XPR1: variants seen among roughly 807,000 people sequenced by gnomAD.
The protein encoded by XPR1 is xenotropic and polytropic retrovirus receptor 1.
In XPR1, 28 loss-of-function variants were observed where a neutral mutation model predicts 87.5. That is an observed-to-expected ratio of 0.32 (90% CI 0.24 to 0.44). The LOEUF (loss-of-function observed/expected upper bound fraction) is 0.44. XPR1 is among the 20% of genes least tolerant of loss of function. The pLI is 1.00. For missense variants in XPR1, 559 were observed against 862.3 expected, an observed-to-expected ratio of 0.65 and a Z score of 4.41; for synonymous variants, 300 against 306.1, an observed-to-expected ratio of 0.98 and a Z score of 0.21.
chr1:180,707,081 C>T (rs1297817247), intron 2 of XPR1, among the ~76,000 whole-genome samples: 1 of 152,112 alleles, frequency 6.6e-6, no homozygotes, highest in African/African-American at 2.4e-5. Flanking sequence ...GTTAAGATTT[C>T]TAATTTTGGA....
intron 3 of XPR1, among the ~76,000 whole-genome samples, chr1:180,793,364 A>G (rs528220706): frequency 6.6e-6 from 1 of 152,204 alleles, no homozygotes; most frequent in South Asian, 2.1e-4. Context: ...TTATACCACT[A>G]AATGTGTGCA....
chr1:180,655,865 A>G (rs1449367939), intron 1 of XPR1, among the ~76,000 whole-genome samples: 1 of 152,088 alleles, frequency 6.6e-6, no homozygotes, highest in Non-Finnish European at 1.5e-5. Flanking sequence ...TTTATGGAGT[A>G]TATAGCATAT....
At position 180,664,861 on chromosome 1, in the gene XPR1, G is replaced by A. The variant is rs111751329; in HGVS notation, c.70-17499G>A. 4.5e-3 allele frequency among the ~76,000 whole-genome samples: 690 copies of A among 152,228 alleles called. 7 individuals carry two copies. The highest frequency in any genetic ancestry group is 0.015 in the African/African-American group (634 of 41,536). On this transcript the variant is annotated intron_variant, in intron 1 of 14. Transcript: ENST00000367590. ...AAACTGTTCTACCTCAGATCATCAGGCATTAGAGTCTCACAAGGAGCATAC... is the reference window on the plus strand; with the variant it reads ...AAACTGTTCTACCTCAGATCATCAGACATTAGAGTCTCACAAGGAGCATAC...
intron 2 of XPR1, among the ~76,000 whole-genome samples, chr1:180,715,349 A>G (rs1657950788): frequency 6.6e-6 from 1 of 152,172 alleles, no homozygotes; most frequent in African/African-American, 2.4e-5. Flanking sequence ...CAAATTTGTA[A>G]GTGGACAGAC....
intron 2 of XPR1, among the ~76,000 whole-genome samples, chr1:180,778,394 T>G (rs1558003873): frequency 1.3e-5 from 2 of 152,298 alleles, no homozygotes; most frequent in Middle Eastern, 3.4e-3. Flanking sequence ...GGAAACACAA[T>G]GTATTAGTTC....
chr1:180,881,783 G>A (rs904713980), intron 14 of XPR1, among the ~76,000 whole-genome samples: 6 of 152,206 alleles, frequency 3.9e-5, no homozygotes, highest in African/African-American at 1.4e-4. Flanking sequence ...TCTGAAGAAG[G>A]CAGAGAAAAG....
intron 2 of XPR1, among the ~76,000 whole-genome samples, chr1:180,691,825 C>T (rs1657004349): frequency 6.6e-6 from 1 of 151,990 alleles, no homozygotes; most frequent in Non-Finnish European, 1.5e-5. Flanking sequence ...TCCATGTCAC[C>T]CCTGTCCCTA....
At chr1:180,829,999 C>T (rs1188437412) in intron 9 of XPR1, among the ~76,000 whole-genome samples, 1 of 152,048 alleles carries the variant, frequency 6.6e-6, no homozygotes, top group Non-Finnish European at 1.5e-5. Context: ...TGTCTCATGT[C>T]AGTTATAAAG....
At chr1:180,648,048 G>T (rs1655179429) in intron 1 of XPR1, among the ~76,000 whole-genome samples, 1 of 152,064 alleles carries the variant, frequency 6.6e-6, no homozygotes, top group South Asian at 2.1e-4. Flanking sequence ...GATAGACCAA[G>T]GACCTGAATA....
chr1:180,731,193 T>G (rs1230797323), intron 2 of XPR1, among the ~76,000 whole-genome samples: 1 of 152,300 alleles, frequency 6.6e-6, no homozygotes, highest in East Asian at 1.9e-4. Flanking sequence ...CAGTTTAAAA[T>G]TTTCTGTAGG....
At chr1:180,664,144 G>A (rs1208435515) in intron 1 of XPR1, among the ~76,000 whole-genome samples, 1 of 152,110 alleles carries the variant, frequency 6.6e-6, no homozygotes, top group African/African-American at 2.4e-5. Flanking sequence ...TCGATGAGCT[G>A]GTACCTAAGC....
intron 12 of XPR1, among the ~76,000 whole-genome samples, chr1:180,872,843 C>T (rs560194775): frequency 2.0e-5 from 3 of 152,146 alleles, no homozygotes; most frequent in South Asian, 2.1e-4. Context: ...GCTCCTCCCC[C>T]GGATTATTCT....
chr1:180,638,788 A>ATATAAATTTGTATTACTTTTG (rs1230433771), intron 1 of XPR1, among the ~76,000 whole-genome samples: 20 of 152,210 alleles, frequency 1.3e-4, no homozygotes, highest in African/African-American at 4.6e-4. Flanking sequence ...TGGAACATGG[A>ATATAAATTTGTATTACTTTTG]TATAAATTTG....
intron 11 of XPR1, among the ~76,000 whole-genome samples, chr1:180,842,490 T>C (rs1651550919): frequency 1.3e-5 from 2 of 152,222 alleles, no homozygotes; most frequent in East Asian, 3.8e-4. Flanking sequence ...TATTTCAGTA[T>C]ATTTTTTCTA....
rs188508426 is a variant in XPR1, at chr1:180,745,337, A to C, written c.122-42416A>C. Reference sequence around the variant, plus strand: ...TGGAACAGGAGGGAGGGAGGGGAAGAGAGAGAGACAGAGAGAGACAGCAAG... The same window carrying C: ...TGGAACAGGAGGGAGGGAGGGGAAGCGAGAGAGACAGAGAGAGACAGCAAG... On this transcript the variant is annotated intron_variant, in intron 2 of 14. Coordinates refer to ENST00000367590, the MANE Select transcript of XPR1 (RefSeq NM_004736.4). Among the ~76,000 whole-genome samples, 551 of 152,282 alleles carry C rather than the reference A, an allele frequency of 3.6e-3. 2 individuals are homozygous for C. The highest frequency in any genetic ancestry group is 5.5e-3 in the Non-Finnish European group (371 of 68,016).
chr1:180,760,224 T>C lies in XPR1; in HGVS notation c.122-27529T>C, dbSNP rs571001072. Among the ~76,000 whole-genome samples, 158 of 152,220 alleles carry C rather than the reference T, an allele frequency of 1.0e-3. 1 individual carries two copies. Among genetic ancestry groups the C allele is most frequent in the African/African-American group, 3.4e-3 (141 of 41,530 alleles). ...GGCACAAGACAGGGATACCCTCTCT[T>C]ACCGCTCCTATTCAACATAGTGTTG... On this transcript the variant is annotated intron_variant, in intron 2 of 14. Transcript: ENST00000367590.
chr1:180,864,002 TACTA>T, intron 12 of XPR1, 128 bp downstream of exon 12: 1 of 734,138 alleles, frequency 1.4e-6, no homozygotes, highest in Non-Finnish European at 1.9e-6. Context: ...TTAACAAAAA[TACTA>T]ATTCATTCGG....
intron 7 of XPR1, among the ~76,000 whole-genome samples, chr1:180,823,420 C>T (rs966681948): frequency 1.3e-5 from 2 of 152,028 alleles, no homozygotes; most frequent in African/African-American, 4.8e-5. Flanking sequence ...GGATCTGTCT[C>T]TTAAATAGTA....
At chr1:180,835,352 T>C (rs1352711883) in intron 10 of XPR1, among the ~76,000 whole-genome samples, 1 of 152,132 alleles carries the variant, frequency 6.6e-6, no homozygotes, top group Non-Finnish European at 1.5e-5. Context: ...CAATTTGTTG[T>C]CTCACTATTG....
Sources: allele counts gnomAD v4.1 joint callset (sites outside exome capture counted in the v4.1 genomes callset), GRCh38; gene constraint gnomAD v4.1.1; transcripts MANE v1.5; gene names NCBI Gene and HGNC (gene_info 2026-07-23, HGNC 2026-07-21).